COL4A2: variants seen among roughly 807,000 people sequenced by gnomAD.
COL4A2 encodes the protein collagen type IV alpha 2 chain, also known as collagen alpha-2(IV) chain.
A neutral mutation model predicts 200.2 loss-of-function variants in COL4A2; 99 were observed. The ratio of observed to expected loss-of-function variants is 0.49; its 90% confidence interval spans 0.42 to 0.58. The LOEUF (loss-of-function observed/expected upper bound fraction) is 0.58. COL4A2 is among the 20% of genes least tolerant of loss of function. The probability of loss-of-function intolerance (pLI) is 0.00; values close to 1 mark genes in which losing one functional copy is unlikely to be tolerated. For synonymous variants in COL4A2, 897 were observed against 900.6 expected (o/e 1.00, Z 0.07); for missense variants, 1,950 against 2,314.1 (o/e 0.84, Z 3.23).
Position 110,503,967 on chromosome 13 carries a change from G to T in COL4A2, c.4259G>T (p.Gly1420Val), listed in dbSNP as rs1209947325. Residue 1420 changes from glycine to valine, a missense_variant, in exon 44 of 48, where the codon GGG becomes GTG. Physicochemically the swap from Gly to Val is moderately radical, Grantham distance 109. Around this residue, in one of 2 missense-constraint regions of COL4A2, gnomAD observed 1,385 missense variants for 1,720.5 expected, o/e 0.80. Coordinates refer to ENST00000360467, the MANE Select transcript of COL4A2 (RefSeq NM_001846.4). ...RGPPGAPGEM[G>V]PQGPPGEPGF... Reference sequence around the variant, plus strand: ...CCCCCTGGGGCACCGGGGGAGATGGGGCCCCAGGGCCCCCCCGGAGAACCA... The same window carrying T: ...CCCCCTGGGGCACCGGGGGAGATGGTGCCCCAGGGCCCCCCCGGAGAACCA... 6.4e-7 allele frequency: 1 copy of T among 1,562,588 alleles called. No homozygotes were observed. The highest frequency in any genetic ancestry group is 8.6e-7 in the Non-Finnish European group (1 of 1,157,648).
chr13:110,429,849 G>C (rs762922422), intron 7 of COL4A2, 36 bp from the exon 8 acceptor site: 6 of 1,600,506 alleles, frequency 3.7e-6, no homozygotes. Flanking sequence ...GACTCTTTTT[G>C]TTGTTTTTTC....
chr13:110,387,669 G>T (rs1878816408), intron 4 of COL4A2, among the ~76,000 whole-genome samples: 3 of 152,254 alleles, frequency 2.0e-5, no homozygotes, highest in Admixed American at 2.0e-4. Flanking sequence ...CTGGAGTTCG[G>T]TTTTTCTAAA....
chr13:110,424,695 T>C, intron 4 of COL4A2, 39 bp from the exon 5 acceptor site: 1 of 1,459,756 alleles, frequency 6.9e-7, no homozygotes, highest in Non-Finnish European at 9.4e-7. Flanking sequence ...GTATGTATTG[T>C]GATTAATCGT....
intron 4 of COL4A2, among the ~76,000 whole-genome samples, chr13:110,367,367 T>C (rs72655775): frequency 0.047 from 7,160 of 152,364 alleles, 237 homozygotes; most frequent in Non-Finnish European, 0.071. Context: ...TTGTTGTCTT[T>C]GTGAGGCATT....
intron 4 of COL4A2, among the ~76,000 whole-genome samples, chr13:110,407,542 C>G (rs779415221): frequency 2.6e-5 from 4 of 152,200 alleles, no homozygotes; most frequent in Non-Finnish European, 5.9e-5. Flanking sequence ...GGGGCCTTCA[C>G]GTTTTTACAT....
chr13:110,310,465 A>C (rs998717402), intron 3 of COL4A2, among the ~76,000 whole-genome samples: 11 of 80,182 alleles, frequency 1.4e-4, no homozygotes, highest in African/African-American at 2.1e-4. Flanking sequence ...TTCTAACTCA[A>C]CCAAAAAAAA....
At chr13:110,505,221 G>A (rs1451702191) in intron 45 of COL4A2, among the ~76,000 whole-genome samples, 2 of 152,084 alleles carry the variant, frequency 1.3e-5, no homozygotes, top group Middle Eastern at 3.4e-3. Context: ...GTGGTGGCGG[G>A]CGCCAGTAGT....
intron 29 of COL4A2, among the ~76,000 whole-genome samples, chr13:110,476,186 C>A (rs1882696861): frequency 6.6e-6 from 1 of 151,040 alleles, no homozygotes; most frequent in African/African-American, 2.4e-5. Flanking sequence ...CCCCATTGTT[C>A]TTGTCAATGA....
intron 4 of COL4A2, among the ~76,000 whole-genome samples, chr13:110,404,153 A>G (rs1319212169): frequency 6.6e-6 from 1 of 152,234 alleles, no homozygotes; most frequent in African/African-American, 2.4e-5. Context: ...CATTCAGACC[A>G]TAACAGTTAC....
At chr13:110,337,739 C>T (rs1449342237) in intron 3 of COL4A2, among the ~76,000 whole-genome samples, 4 of 152,250 alleles carry the variant, frequency 2.6e-5, no homozygotes, top group East Asian at 1.9e-4. Context: ...CTGCCTGTCC[C>T]AGGGAAGTCC....
At chr13:110,371,046 G>T (rs1026423833) in intron 4 of COL4A2, among the ~76,000 whole-genome samples, 1 of 152,182 alleles carries the variant, frequency 6.6e-6, no homozygotes, top group African/African-American at 2.4e-5. Flanking sequence ...TTAACAAAAA[G>T]GGTGCCCTTC....
intron 36 of COL4A2, 57 bp downstream of exon 36, chr13:110,489,842 A>G: frequency 1.3e-6 from 2 of 1,539,716 alleles, no homozygotes; most frequent in South Asian, 2.5e-5. Context: ...GCCTTTGTCT[A>G]GGAGCCCGAC....
At chr13:110,349,514 A>G (rs533502802) in intron 3 of COL4A2, among the ~76,000 whole-genome samples, 114 of 152,310 alleles carry the variant, frequency 7.5e-4, no homozygotes, top group African/African-American at 2.6e-3. Flanking sequence ...CTCCAACTCC[A>G]CTGTATCCCA....
chr13:110,474,682 CGT>C lies in COL4A2; in HGVS notation c.2425+1533_2425+1534del, dbSNP rs1882616122. Among the ~76,000 whole-genome samples the C allele has an allele frequency of 3.5e-5, 5 of 142,396 alleles. 1 individual carries two copies. The highest frequency in any genetic ancestry group is 6.3e-5 in the Non-Finnish European group (4 of 63,976). The allele number at this position is 142,396 out of a possible 152,430, so 93.4% of individuals were successfully genotyped here. On this transcript the variant is annotated intron_variant, in intron 29 of 47. Transcript: ENST00000360467. Reference sequence around the variant, plus strand: ...CACACATGATCACACTCCTTACACACGTACCCACACACGTGCCTGTGTACACT... The same window carrying C: ...CACACATGATCACACTCCTTACACACACCCACACACGTGCCTGTGTACACT...
chr13:110,343,899 G>T (rs1024626142), intron 3 of COL4A2, among the ~76,000 whole-genome samples: 1 of 152,152 alleles, frequency 6.6e-6, no homozygotes, highest in African/African-American at 2.4e-5. Context: ...TTCAAGAGAT[G>T]GACCCACTTT....
intron 4 of COL4A2, among the ~76,000 whole-genome samples, chr13:110,413,643 G>A (rs1305034084): frequency 6.6e-6 from 1 of 152,230 alleles, no homozygotes; most frequent in Non-Finnish European, 1.5e-5. Flanking sequence ...GTGTGCCAGG[G>A]CAGTGGGGGA....
rs745646300 is a variant in COL4A2, at chr13:110,482,608, T to G, written c.2851T>G (p.Phe951Val). The change falls in exon 32 of 48, where the codon TTT (phenylalanine) becomes GTT (valine). Residue 951 changes from phenylalanine (F) to valine (V), a missense_variant. Physicochemically the swap from Phe to Val is conservative, Grantham distance 50. Transcript: ENST00000360467. ...TCCAGGGAGCAAAGGCGAGGCTGGATTTTTCGGAATACCCGGTCTGAAGGG... is the reference window on the plus strand; with the variant it reads ...TCCAGGGAGCAAAGGCGAGGCTGGAGTTTTCGGAATACCCGGTCTGAAGGG... ...GFPGSKGEAG[F>V]FGIPGLKGLA... 2 of 1,614,022 alleles carry G rather than the reference T, an allele frequency of 1.2e-6. No homozygotes were observed. Among genetic ancestry groups the G allele is most frequent in the Admixed American group, 3.3e-5 (2 of 59,986 alleles).
intron 3 of COL4A2, among the ~76,000 whole-genome samples, chr13:110,337,677 T>G (rs1446399812): frequency 6.6e-6 from 1 of 152,208 alleles, no homozygotes; most frequent in African/African-American, 2.4e-5. Context: ...GCTCCACATC[T>G]GACCGCAAGC....
intron 3 of COL4A2, among the ~76,000 whole-genome samples, chr13:110,326,081 C>T (rs1053944161): frequency 5.3e-5 from 8 of 152,158 alleles, no homozygotes; most frequent in African/African-American, 1.9e-4. Context: ...CCACCAAGCC[C>T]AGCCCCGAAT....
Sources: allele counts gnomAD v4.1 joint callset (sites outside exome capture counted in the v4.1 genomes callset), GRCh38; gene constraint gnomAD v4.1.1; regional missense constraint gnomAD v4.1.1; transcripts MANE v1.5; gene names NCBI Gene and HGNC (gene_info 2026-07-23, HGNC 2026-07-21).